PLCG2: variants seen among roughly 807,000 people sequenced by gnomAD.
The protein encoded by PLCG2 is phospholipase C gamma 2.
Under a neutral mutation model 175.6 loss-of-function variants are expected in PLCG2, and 69 were observed. That is an observed-to-expected ratio of 0.39 (90% CI 0.32 to 0.48). The LOEUF (loss-of-function observed/expected upper bound fraction) is 0.48. PLCG2 is among the 20% of genes least tolerant of loss of function. The pLI is 0.91. For missense variants in PLCG2, 1,798 were observed against 1,650.9 expected, an observed-to-expected ratio of 1.09 and a Z score of -1.54; for synonymous variants, 827 against 624.0, an observed-to-expected ratio of 1.33 and a Z score of -4.85.
rs1911680890 is a variant in PLCG2 at position 81,958,961 on chromosome 16, A to G, written c.*963A>G. 2 of 223,390 alleles carry G rather than the reference A, an allele frequency of 9.0e-6. No individual in the cohort carries two copies. The highest frequency in any genetic ancestry group is 3.7e-4 in the South Asian group (2 of 5,434). 13.8% of individuals were successfully genotyped at this position (223,390 alleles called of 1,614,324 possible). On this transcript the variant is annotated 3_prime_UTR_variant, in exon 33 of 33. Transcript: ENST00000564138. ...TTAATGGGCTAAGCATTAGGGTGTT[A>G]CAGAAAATTTCAAATGCAGCCATCT... is the stretch of plus-strand genomic sequence containing the variant.
intron 1 of PLCG2, among the ~76,000 whole-genome samples, chr16:81,781,522 C>T (rs926183085): frequency 6.6e-6 from 1 of 151,950 alleles, no homozygotes; most frequent in African/African-American, 2.4e-5. Context: ...ATTGCAGGAT[C>T]GAAGCATATG....
intron 4 of PLCG2, 93 bp from the exon 5 acceptor site, chr16:81,859,023 T>C: frequency 1.3e-6 from 1 of 746,894 alleles, no homozygotes; most frequent in Non-Finnish European, 2.3e-6. Context: ...TGGTTCCAGT[T>C]CCTTTTGTGC....
chr16:81,874,892 A>G (rs28426998), intron 7 of PLCG2, among the ~76,000 whole-genome samples: 3,933 of 151,610 alleles, frequency 0.026, 161 homozygotes, highest in African/African-American at 0.088. Flanking sequence ...TATCATTAAC[A>G]AAGATGATAG....
At chr16:81,940,400 C>G (rs898196296) in intron 30 of PLCG2, among the ~76,000 whole-genome samples, 2 of 152,136 alleles carry the variant, frequency 1.3e-5, no homozygotes, top group Non-Finnish European at 1.5e-5. Context: ...TGATCTCCCC[C>G]TCCTGCTCTC....
chr16:81,836,403 G>C (rs1905519240), intron 2 of PLCG2, among the ~76,000 whole-genome samples: 1 of 152,144 alleles, frequency 6.6e-6, no homozygotes, highest in Non-Finnish European at 1.5e-5. Context: ...GAGCACTTTG[G>C]ATCTTGGCTT....
Position 81,954,314 on chromosome 16 carries a change from G to A in PLCG2, c.3571-2381G>A, listed in dbSNP as rs564123708. The stretch of plus-strand genomic sequence containing the variant: ...GGGGATTACATGCCTGAGGCACTGC[G>A]CCCGGCGACTTGATTCTTTTCTTTT... On this transcript the variant is annotated intron_variant, in intron 31 of 32. Transcript: ENST00000564138. 7.9e-5 allele frequency among the ~76,000 whole-genome samples: 12 copies of A among 152,294 alleles called. No homozygotes were observed. The South Asian group carries it at 1.5e-3, about 18-fold the overall frequency.
At chr16:81,841,691 C>G (rs1186749450) in intron 2 of PLCG2, among the ~76,000 whole-genome samples, 1 of 152,198 alleles carries the variant, frequency 6.6e-6, no homozygotes, top group African/African-American at 2.4e-5. Context: ...TTAACTCATG[C>G]CTGCTAGATC....
At chr16:81,818,698 A>G (rs1904659508) in intron 2 of PLCG2, among the ~76,000 whole-genome samples, 1 of 151,960 alleles carries the variant, frequency 6.6e-6, no homozygotes, top group East Asian at 1.9e-4. Flanking sequence ...GCAGCAGGAA[A>G]TGGCTGAAAT....
intron 2 of PLCG2, among the ~76,000 whole-genome samples, chr16:81,808,831 G>A (rs529546562): frequency 1.3e-5 from 2 of 152,174 alleles, no homozygotes; most frequent in African/African-American, 2.4e-5. Context: ...TAGCCTCTGT[G>A]GGCCTGGCCT....
rs1371594538 is a variant in PLCG2, at chr16:81,939,944, T to A, written c.3366T>A (p.Phe1122Leu). 1 of 1,613,936 alleles carries A rather than the reference T, an allele frequency of 6.2e-7. No individual in the cohort carries two copies. The highest frequency in any genetic ancestry group is 8.5e-7 in the Non-Finnish European group (1 of 1,179,838). Residue 1122 changes from phenylalanine to leucine, a missense_variant, in exon 30 of 33, where the codon TTT (phenylalanine) becomes TTA (leucine). Phe to Leu is a conservative substitution (Grantham distance 22, BLOSUM62 0). Coordinates refer to ENST00000564138, the MANE Select transcript of PLCG2 (RefSeq NM_002661.5). ...IWAPTQEKVT[F>L]EIYDPNLAFL... is the part of the protein sequence containing the mutation. ...CTCCAACACAGGAGAAGGTGACATT[T>A]GAAATTTATGACCCAAACCTGGCAT...
At chr16:81,903,474 G>C (rs1909236618) in intron 14 of PLCG2, among the ~76,000 whole-genome samples, 1 of 152,258 alleles carries the variant, frequency 6.6e-6, no homozygotes, top group African/African-American at 2.4e-5. Flanking sequence ...GTTTGCCTAA[G>C]CGGGAGATCA....
At chr16:81,877,360 G>T (rs1907848763) in intron 7 of PLCG2, among the ~76,000 whole-genome samples, 1 of 152,186 alleles carries the variant, frequency 6.6e-6, no homozygotes, top group Non-Finnish European at 1.5e-5. Context: ...GGAGGCTGAG[G>T]CAGGAGAATG....
In PLCG2 at chr16:81,908,448, G is replaced by C. The variant is rs775355899; in HGVS notation, c.1590G>C (p.Glu530Asp). The C allele has an allele frequency of 1.9e-6, 3 of 1,614,020 alleles. No homozygotes were observed. The highest frequency in any genetic ancestry group is 2.2e-5 in the South Asian group (2 of 91,074). ...DIPPTELHFGEKWFHKKVEKR... is the reference protein window; with the variant it reads ...DIPPTELHFGDKWFHKKVEKR... ...CCCCTACAGAACTACATTTTGGGGAGAAATGGTTCCACAAGAAGGTGGAGA... is the reference window on the plus strand; with the variant it reads ...CCCCTACAGAACTACATTTTGGGGACAAATGGTTCCACAAGAAGGTGGAGA... The change falls in exon 17 of 33, where the codon GAG becomes GAC. Residue 530 changes from glutamate to aspartate, a missense_variant. Physicochemically the swap from Glu to Asp is conservative, Grantham distance 45 (BLOSUM62 2). Transcript: ENST00000564138.
At chr16:81,850,158 G>T (rs909122914) in intron 2 of PLCG2, among the ~76,000 whole-genome samples, 3 of 152,186 alleles carry the variant, frequency 2.0e-5, no homozygotes, top group African/African-American at 7.2e-5. Flanking sequence ...ACTGTAAAAA[G>T]ATTTGGAGAA....
At chr16:81,745,602 C>T (rs1035752533) in intron 1 of PLCG2, among the ~76,000 whole-genome samples, 4 of 152,158 alleles carry the variant, frequency 2.6e-5, no homozygotes, top group Non-Finnish European at 4.4e-5. Flanking sequence ...GTAGTTGGCT[C>T]CTGGGGATAC....
At chr16:81,942,717 G>T (rs776762382) in intron 30 of PLCG2, among the ~76,000 whole-genome samples, 3 of 152,114 alleles carry the variant, frequency 2.0e-5, no homozygotes, top group Non-Finnish European at 4.4e-5. Flanking sequence ...GACTTAACTT[G>T]CTCAAGGTCA....
intron 2 of PLCG2, among the ~76,000 whole-genome samples, chr16:81,760,239 A>G (rs1024673220): frequency 3.3e-5 from 5 of 152,140 alleles, no homozygotes; most frequent in African/African-American, 4.8e-5. Flanking sequence ...ACAAAGCACA[A>G]CCACAGGTGG....
rs1910503444 is a variant in PLCG2 at position 81,931,549 on chromosome 16, C to A, written c.2634C>A (p.Pro878=). 2.5e-6 allele frequency: 4 copies of A among 1,613,910 alleles called. No individual in the cohort carries two copies. The highest frequency in any genetic ancestry group is 1.7e-5 in the Admixed American group (1 of 60,002). The change falls in exon 25 of 33, where the codon CCC becomes CCA. Residue 878 remains proline, a synonymous_variant. Transcript: ENST00000564138. The stretch of plus-strand genomic sequence containing the variant: ...AGTCCTTTGTCTTCATCCTGGAGCC[C>A]AAGCAGCAGGGCGATCCTCCGGTGG... ...NQKSFVFILE[P]KQQGDPPVEF...
At chr16:81,771,069 A>AT (rs1555504901) in intron 2 of PLCG2, among the ~76,000 whole-genome samples, 34,867 of 144,820 alleles carry the variant, frequency 0.24, 4,974 homozygotes, top group Non-Finnish European at 0.31. Context: ...AAAAAAAAAA[A>AT]AAATAAATAA....
Sources: allele counts gnomAD v4.1 joint callset (sites outside exome capture counted in the v4.1 genomes callset), GRCh38; gene constraint gnomAD v4.1.1; transcripts MANE v1.5; gene names NCBI Gene and HGNC (gene_info 2026-07-23, HGNC 2026-07-21).